SKAP2: variants seen among roughly 807,000 people sequenced by gnomAD.
The protein encoded by SKAP2 is src kinase-associated phosphoprotein 2.
A neutral mutation model predicts 54.9 loss-of-function variants in SKAP2; 28 were observed. The ratio of observed to expected loss-of-function variants is 0.51; its 90% CI spans 0.38 to 0.70. The LOEUF is 0.70. SKAP2 is among the 30% of genes least tolerant of loss of function. SKAP2 has a pLI of 0.00. For missense variants in SKAP2, 356 were observed against 424.1 expected (o/e 0.84, Z 1.41); for synonymous variants, 137 against 134.3 (o/e 1.02, Z -0.14).
chr7:26,759,518 C>T (rs1051402454), intron 4 of SKAP2, among the ~76,000 whole-genome samples: 3 of 152,162 alleles, frequency 2.0e-5, no homozygotes, highest in Admixed American at 6.5e-5. Context: ...CAGATTAATA[C>T]ATCTCCACAT....
intron 4 of SKAP2, among the ~76,000 whole-genome samples, chr7:26,749,205 G>A (rs1782624854): frequency 6.6e-6 from 1 of 152,000 alleles, no homozygotes; most frequent in East Asian, 1.9e-4. Flanking sequence ...CAGATATTTG[G>A]CCAAAAACAA....
intron 9 of SKAP2, among the ~76,000 whole-genome samples, chr7:26,723,008 T>C (rs1194931265): frequency 2.6e-5 from 4 of 152,196 alleles, no homozygotes; most frequent in Non-Finnish European, 5.9e-5. Context: ...CAGAGATACA[T>C]AGTTCTTTGC....
chr7:26,851,439 C>T (rs1785040877), intron 3 of SKAP2, among the ~76,000 whole-genome samples: 1 of 151,922 alleles, frequency 6.6e-6, no homozygotes, highest in South Asian at 2.1e-4. Flanking sequence ...GTGAGAGACC[C>T]TGTCTTCTCA....
intron 4 of SKAP2, among the ~76,000 whole-genome samples, chr7:26,790,850 C>T (rs1290467489): frequency 2.0e-5 from 3 of 152,134 alleles, no homozygotes; most frequent in Non-Finnish European, 2.9e-5. Context: ...TTACTAAATA[C>T]TCATACTATA....
intron 4 of SKAP2, among the ~76,000 whole-genome samples, chr7:26,785,668 T>C (rs988405157): frequency 1.3e-5 from 2 of 152,126 alleles, no homozygotes; most frequent in African/African-American, 4.8e-5. Context: ...TACACCATTA[T>C]AATAATAAGG....
chr7:26,846,255 C>T (rs1784918439), intron 3 of SKAP2, among the ~76,000 whole-genome samples: 1 of 151,890 alleles, frequency 6.6e-6, no homozygotes, highest in African/African-American at 2.4e-5. Flanking sequence ...GCTATTATAA[C>T]TATTTAAAAC....
intron 9 of SKAP2, among the ~76,000 whole-genome samples, chr7:26,707,877 C>T (rs1770892942): frequency 6.6e-6 from 1 of 152,106 alleles, no homozygotes; most frequent in South Asian, 2.1e-4. Flanking sequence ...TATTCCCAAG[C>T]CAAGAAATTT....
At position 26,721,218 on chromosome 7, in the gene SKAP2, G is replaced by C. The variant is rs1405453481; in HGVS notation, c.796+4210C>G. ...AGACTGCAGGGTCCCCTGTAACCCTGATATTAACTTAGTAATATGAGTGAT... is the reference window on the plus strand; with the variant it reads ...AGACTGCAGGGTCCCCTGTAACCCTCATATTAACTTAGTAATATGAGTGAT... On this transcript the variant is annotated intron_variant, in intron 9 of 12. Coordinates refer to ENST00000345317, the MANE Select transcript of SKAP2 (RefSeq NM_003930.5). Among the ~76,000 whole-genome samples the C allele has an allele frequency of 3.3e-5, 5 of 152,064 alleles. No individual in the cohort carries two copies. The South Asian group carries it at 8.3e-4, about 25-fold the overall frequency.
At chr7:26,808,292 G>A (rs2127987018) in intron 4 of SKAP2, among the ~76,000 whole-genome samples, 1 of 152,230 alleles carries the variant, frequency 6.6e-6, no homozygotes, top group African/African-American at 2.4e-5. Flanking sequence ...TTTAAAAAAA[G>A]AATGAAATTC....
At chr7:26,749,793 C>T (rs944761297) in intron 4 of SKAP2, among the ~76,000 whole-genome samples, 1 of 150,562 alleles carries the variant, frequency 6.6e-6, no homozygotes, top group Non-Finnish European at 1.5e-5. Context: ...ATAGGTCCTA[C>T]TTCTTTCTTC....
At chr7:26,827,346 G>C (rs1784512635) in intron 4 of SKAP2, among the ~76,000 whole-genome samples, 1 of 152,078 alleles carries the variant, frequency 6.6e-6, no homozygotes, top group African/African-American at 2.4e-5. Flanking sequence ...CTTTTCTCTA[G>C]ATATTCCAAA....
intron 11 of SKAP2, among the ~76,000 whole-genome samples, chr7:26,682,631 GA>G (rs1786529609): frequency 6.6e-6 from 1 of 152,132 alleles, no homozygotes; most frequent in Non-Finnish European, 1.5e-5. Flanking sequence ...ATATGATCAT[GA>G]TGGTGAAACT....
At chr7:26,864,153 C>T (rs1262946182) in intron 1 of SKAP2, among the ~76,000 whole-genome samples, 2 of 131,918 alleles carry the variant, frequency 1.5e-5, no homozygotes, top group Non-Finnish European at 3.3e-5. Flanking sequence ...GCTTCGCCAC[C>T]ATCCCCGCAC....
At chr7:26,817,096 A>G (rs1371421325) in intron 4 of SKAP2, among the ~76,000 whole-genome samples, 1 of 152,144 alleles carries the variant, frequency 6.6e-6, no homozygotes, top group East Asian at 1.9e-4. Context: ...TTAAATGGAC[A>G]TCAGCATTTC....
intron 4 of SKAP2, among the ~76,000 whole-genome samples, chr7:26,824,321 T>A (rs924165366): frequency 6.6e-6 from 1 of 152,200 alleles, no homozygotes; most frequent in Non-Finnish European, 1.5e-5. Context: ...AATAGTGTGC[T>A]GGGAGGTAAT....
chr7:26,792,199 T>C (rs552246180), intron 4 of SKAP2, among the ~76,000 whole-genome samples: 10 of 152,210 alleles, frequency 6.6e-5, no homozygotes, highest in Admixed American at 2.0e-4. Flanking sequence ...GGAGGCAGGG[T>C]ACTGATGGCA....
the SKAP2 span, among the ~76,000 whole-genome samples, chr7:26,662,062 A>G: frequency 6.6e-6 from 1 of 152,034 alleles, no homozygotes; most frequent in East Asian, 1.9e-4. Context: ...ACTACTACTC[A>G]CTTTCAGCTG....
chr7:26,741,419 AGG>A (rs1314135194), intron 4 of SKAP2, among the ~76,000 whole-genome samples: 2 of 151,800 alleles, frequency 1.3e-5, no homozygotes, highest in East Asian at 3.9e-4. Flanking sequence ...GTGGAGGAGG[AGG>A]GTAGAGGTGG....
chr7:26,759,011 A>G (rs1782865143), intron 4 of SKAP2, among the ~76,000 whole-genome samples: 1 of 152,238 alleles, frequency 6.6e-6, no homozygotes, highest in Non-Finnish European at 1.5e-5. Context: ...ATTTGTTGAT[A>G]TTACAAAAAT....
Sources: gnomAD v4.1 joint callset for allele counts (sites outside exome capture counted in the v4.1 genomes callset) on GRCh38, gnomAD v4.1.1 for gene constraint, MANE v1.5 for transcripts, NCBI Gene and HGNC (gene_info 2026-07-23, HGNC 2026-07-21) for gene names.